Variants in AFF1 observed in about 807,000 individuals in gnomAD.
AFF1 encodes AF4/FMR2 family member 1.
A neutral mutation model predicts 121.7 loss-of-function variants in AFF1; 48 were observed. The observed-to-expected ratio is 0.39, with a 90% CI of 0.31 to 0.50. The LOEUF is 0.50. Ranked by LOEUF, AFF1 falls within the 20% of genes least tolerant of loss-of-function variation. The pLI is 0.76. For synonymous variants in AFF1, 613 were observed against 563.0 expected, an observed-to-expected ratio of 1.09 and a Z score of -1.26; for missense variants, 1,523 against 1,511.7, an observed-to-expected ratio of 1.01 and a Z score of -0.12.
chr4:87,022,074 G>A (rs1333940211), intron 2 of AFF1, among the ~76,000 whole-genome samples: 3 of 151,848 alleles, frequency 2.0e-5, no homozygotes, highest in Non-Finnish European at 2.9e-5. Context: ...GCGTGGTGGC[G>A]GGTGCCTGTA....
chr4:87,055,596 G>T (rs1347743351), intron 4 of AFF1, among the ~76,000 whole-genome samples: 1 of 152,070 alleles, frequency 6.6e-6, no homozygotes, highest in Non-Finnish European at 1.5e-5. Context: ...TGCTCTCCCA[G>T]GCTCTCACAT....
chr4:86,943,534 G>A (rs1462634916), intron 1 of AFF1, among the ~76,000 whole-genome samples: 1 of 152,130 alleles, frequency 6.6e-6, no homozygotes, highest in Non-Finnish European at 1.5e-5. Context: ...ATTGTGGTCC[G>A]GGGACTGGGG....
intron 4 of AFF1, among the ~76,000 whole-genome samples, chr4:87,054,849 A>G (rs566121119): frequency 1.4e-4 from 22 of 152,364 alleles, no homozygotes; most frequent in African/African-American, 4.8e-4. Flanking sequence ...TTGGGCCTGC[A>G]GACAAATTAT....
At chr4:87,015,512 G>A (rs1284263710) in intron 2 of AFF1, among the ~76,000 whole-genome samples, 1 of 152,198 alleles carries the variant, frequency 6.6e-6, no homozygotes, top group Non-Finnish European at 1.5e-5. Flanking sequence ...AGTGCCACTG[G>A]AACTTAGTTT....
chr4:87,098,026 G>A (rs1427169526), intron 8 of AFF1, among the ~76,000 whole-genome samples: 1 of 152,058 alleles, frequency 6.6e-6, no homozygotes, highest in Non-Finnish European at 1.5e-5. Flanking sequence ...TTAATTGCAG[G>A]GTCATTTACA....
At chr4:86,936,773 CTT>C (rs1007684677) in intron 1 of AFF1, among the ~76,000 whole-genome samples, 1 of 152,034 alleles carries the variant, frequency 6.6e-6, no homozygotes. Flanking sequence ...GGTGTTGTCT[CTT>C]GTGGATGTTG....
chr4:87,042,010 GAAAAAAAAAAAAAAAAA>G (rs571154413), intron 2 of AFF1, among the ~76,000 whole-genome samples: 1 of 124,818 alleles, frequency 8.0e-6, no homozygotes, highest in South Asian at 2.5e-4. Context: ...ACTCCATCTG[GAAAAAAAAAAAAAAAAA>G]AGTTGCTACA....
chr4:86,971,927 AG>A (rs1456910073), intron 2 of AFF1, among the ~76,000 whole-genome samples: 3 of 152,116 alleles, frequency 2.0e-5, no homozygotes, highest in Non-Finnish European at 4.4e-5. Flanking sequence ...ACTTGAGCCC[AG>A]GAATTTGAGA....
chr4:86,943,992 A>G (rs1328357235), intron 1 of AFF1, among the ~76,000 whole-genome samples: 1 of 151,800 alleles, frequency 6.6e-6, no homozygotes, highest in East Asian at 1.9e-4. Flanking sequence ...ACATAAAATG[A>G]AATAAGCCAG....
At chr4:86,946,933 T>A (rs1720910037) in intron 1 of AFF1, among the ~76,000 whole-genome samples, 1 of 152,152 alleles carries the variant, frequency 6.6e-6, no homozygotes, top group Non-Finnish European at 1.5e-5. Flanking sequence ...CATCAGGGAC[T>A]CTTCAGATGC....
intron 1 of AFF1, among the ~76,000 whole-genome samples, chr4:86,948,216 A>G (rs2149449376): frequency 6.6e-6 from 1 of 152,166 alleles, no homozygotes; most frequent in East Asian, 1.9e-4. Context: ...GCACCAGGGG[A>G]ATGGTATTTC....
intron 2 of AFF1, among the ~76,000 whole-genome samples, chr4:86,996,135 G>A (rs1289369790): frequency 2.0e-5 from 3 of 151,848 alleles, no homozygotes; most frequent in Non-Finnish European, 2.9e-5. Context: ...CAGCCGCCCT[G>A]TCCGGGAGGT....
intron 4 of AFF1, among the ~76,000 whole-genome samples, chr4:87,070,566 G>C (rs1273929710): frequency 6.6e-6 from 1 of 152,248 alleles, no homozygotes; most frequent in African/African-American, 2.4e-5. Context: ...TAAATATGAT[G>C]TATGTGTGCG....
At chr4:87,049,719 G>A (rs1171526360) in intron 4 of AFF1, 2 of 456,100 alleles carry the variant, frequency 4.4e-6, no homozygotes, top group South Asian at 1.5e-5. Context: ...GCCAGGCAGC[G>A]GCAGCTGTGG....
chr4:87,012,498 A>G (rs1726878296), intron 2 of AFF1, among the ~76,000 whole-genome samples: 1 of 152,202 alleles, frequency 6.6e-6, no homozygotes, highest in Non-Finnish European at 1.5e-5. Context: ...TTATTGATAT[A>G]GAGTGAGTAC....
chr4:87,088,928 A>G (rs1466430332), intron 5 of AFF1, among the ~76,000 whole-genome samples: 1 of 152,036 alleles, frequency 6.6e-6, no homozygotes, highest in Non-Finnish European at 1.5e-5. Flanking sequence ...TATTTTTAGT[A>G]GATATGGGGT....
At chr4:87,001,632 G>A (rs181440651) in intron 2 of AFF1, among the ~76,000 whole-genome samples, 1 of 152,166 alleles carries the variant, frequency 6.6e-6, no homozygotes, top group Non-Finnish European at 1.5e-5. Context: ...CCCTTAGGTC[G>A]TGAGAATCTC....
chr4:87,085,038 ACTTAC>A (rs1235257541), intron 5 of AFF1, among the ~76,000 whole-genome samples: 1 of 152,218 alleles, frequency 6.6e-6, no homozygotes, highest in Non-Finnish European at 1.5e-5. Context: ...TCATCTTTAG[ACTTAC>A]CTTGAAGGAT....
intron 1 of AFF1, among the ~76,000 whole-genome samples, chr4:86,946,577 G>A (rs1009555331): frequency 6.6e-6 from 1 of 151,614 alleles, no homozygotes; most frequent in African/African-American, 2.4e-5. Context: ...ATATTTAGCA[G>A]AGACGGGTCT....
Sources: allele counts gnomAD v4.1 joint callset (sites outside exome capture counted in the v4.1 genomes callset), GRCh38; gene constraint gnomAD v4.1.1; transcripts MANE v1.5; gene names NCBI Gene and HGNC (gene_info 2026-07-23, HGNC 2026-07-21).